The following GPR180 variants were observed in gnomAD, a reference collection of about 807,000 sequenced individuals.
GPR180 encodes integral membrane protein GPR180.
In GPR180, 53 loss-of-function variants were observed where a neutral mutation model predicts 52.6. The ratio of observed to expected loss-of-function variants is 1.01; its 90% CI spans 0.81 to 1.27. The LOEUF is 1.27. Among genes scored for constraint, GPR180 ranks in the 50% most tolerant of loss-of-function variants. GPR180 has a pLI of 0.00. For synonymous variants in GPR180, 200 were observed against 193.1 expected, an observed-to-expected ratio of 1.04 and a Z score of -0.30; for missense variants, 533 against 527.0, an observed-to-expected ratio of 1.01 and a Z score of -0.11.
chr13:94,631,506 T>G lies in GPR180; in HGVS notation c.*4335T>G, dbSNP rs1447621505. 6.6e-6 allele frequency: 1 copy of G among 151,224 alleles called. No homozygotes were observed. Among genetic ancestry groups the G allele is most frequent in the African/African-American group, 2.4e-5 (1 of 41,042 alleles). The allele number at this position is 151,224 out of a possible 1,614,324, so 9.4% of individuals were successfully genotyped here. On this transcript the variant is annotated 3_prime_UTR_variant, in exon 9 of 9. Transcript: ENST00000376958. The stretch of plus-strand genomic sequence containing the variant: ...CTATCATATTATCCCTTTTTTTGTT[T>G]GTTGTACTTAGCTGGTTTATCTTTG...
intron 1 of GPR180, among the ~76,000 whole-genome samples, chr13:94,603,340 C>T (rs1889584860): frequency 6.6e-6 from 1 of 152,148 alleles, no homozygotes. Flanking sequence ...TGGGTTATTA[C>T]TTAGGACCAG....
Position 94,626,999 on chromosome 13 carries a change from CCTTTT to C in GPR180, c.1165-7_1165-3del. The C allele has an allele frequency of 3.8e-6, 6 of 1,561,588 alleles. No individual in the cohort carries two copies. The highest frequency in any genetic ancestry group is 5.2e-6 in the Non-Finnish European group (6 of 1,154,638). ...CTGCATGTAGTAAAAGCATTCCTTT[CCTTTT>C]CTTTTCAGGTTATTACAATAGGTGT... On this transcript the variant is annotated splice_polypyrimidine_tract_variant and intron_variant, in intron 8 of 8. Coordinates refer to ENST00000376958, the MANE Select transcript of GPR180 (RefSeq NM_180989.6).
Position 94,629,792 on chromosome 13 carries a change from G to T in GPR180, c.*2621G>T, listed in dbSNP as rs538869822. 2.0e-4 allele frequency: 31 copies of T among 152,304 alleles called. No homozygotes were observed. The highest frequency in any genetic ancestry group is 4.0e-4 in the Non-Finnish European group (27 of 68,012). 9.4% of individuals were successfully genotyped at this position (152,304 alleles called of 1,614,324 possible). On this transcript the variant is annotated 3_prime_UTR_variant, in exon 9 of 9. Transcript: ENST00000376958. ...AGCAGGAGAGTTAATCTAGGCAGAAGAGCTTGCTTTAGGGTAATTATTTAT... is the reference window on the plus strand; with the variant it reads ...AGCAGGAGAGTTAATCTAGGCAGAATAGCTTGCTTTAGGGTAATTATTTAT...
At chr13:94,623,868 A>G (rs183133058) in intron 7 of GPR180, among the ~76,000 whole-genome samples, 4 of 152,284 alleles carry the variant, frequency 2.6e-5, no homozygotes, top group East Asian at 3.9e-4. Flanking sequence ...AGTTTCATCA[A>G]TAGGGATTTT....
intron 2 of GPR180, among the ~76,000 whole-genome samples, chr13:94,608,386 C>G (rs1199701531): frequency 1.3e-5 from 2 of 152,106 alleles, no homozygotes; most frequent in Non-Finnish European, 2.9e-5. Flanking sequence ...TTTCTAGTTT[C>G]TCTTTCTTTT....
At chr13:94,625,481 A>C (rs1180128294) in intron 7 of GPR180, among the ~76,000 whole-genome samples, 1 of 152,184 alleles carries the variant, frequency 6.6e-6, no homozygotes, top group Non-Finnish European at 1.5e-5. Flanking sequence ...GAATAGAAAA[A>C]TATTTGAAAA....
At chr13:94,621,891 A>T (rs961476459) in intron 6 of GPR180, among the ~76,000 whole-genome samples, 21 of 152,184 alleles carry the variant, frequency 1.4e-4, no homozygotes, top group African/African-American at 4.8e-4. Flanking sequence ...AAGAAAGGTT[A>T]TAAAGAAAAA....
intron 2 of GPR180, among the ~76,000 whole-genome samples, chr13:94,609,517 T>C (rs1323938037): frequency 1.3e-5 from 2 of 152,128 alleles, no homozygotes; most frequent in East Asian, 3.8e-4. Context: ...AATATATTGG[T>C]AAAAGTGTGG....
In GPR180 at chr13:94,627,808, CAA is replaced by C. The variant is rs1411309106; in HGVS notation, c.*639_*640del. The C allele has an allele frequency of 6.6e-6, 1 of 151,980 alleles. No homozygotes were observed. The highest frequency in any genetic ancestry group is 1.5e-5 in the Non-Finnish European group (1 of 67,936). 9.4% of individuals were successfully genotyped at this position (151,980 alleles called of 1,614,324 possible). ...TAGCTTGATTAGCAAAGGTTTTTGA[CAA>C]ACAGTTTATGAAAAAATAAAACTTA... On this transcript the variant is annotated 3_prime_UTR_variant, in exon 9 of 9. Transcript: ENST00000376958.
In GPR180 at chr13:94,621,037, T is replaced by C. The variant is rs376301924; in HGVS notation, c.737-41T>C. On this transcript the variant is annotated intron_variant, in intron 5 of 8. Transcript: ENST00000376958. ...TGCAAAAAGCACTAAATTTTTTATA[T>C]TGTGAAAACTTGGTTGACGTTGGTT... The C allele has an allele frequency of 2.8e-5, 43 of 1,552,686 alleles. No individual in the cohort carries two copies. In the African/African-American group the frequency reaches 5.8e-4, roughly 21 times the overall value.
At chr13:94,624,514 A>G (rs1594479494) in intron 7 of GPR180, among the ~76,000 whole-genome samples, 3 of 152,262 alleles carry the variant, frequency 2.0e-5, no homozygotes, top group Middle Eastern at 3.4e-3. Context: ...TGATAAGTTA[A>G]TATGTATTTG....
intron 5 of GPR180, among the ~76,000 whole-genome samples, 198 bp from the exon 6 acceptor site, chr13:94,620,880 A>G (rs968943169): frequency 3.9e-5 from 6 of 152,072 alleles, no homozygotes; most frequent in Admixed American, 3.3e-4. Context: ...TAATAAATAT[A>G]TTACAAAATT....
chr13:94,613,612 A>C (rs1490765781), intron 3 of GPR180, among the ~76,000 whole-genome samples: 2 of 151,932 alleles, frequency 1.3e-5, no homozygotes, highest in Non-Finnish European at 2.9e-5. Flanking sequence ...GGTTAATTTG[A>C]AGTTCTTTCT....
intron 1 of GPR180, among the ~76,000 whole-genome samples, chr13:94,604,505 G>A (rs918360919): frequency 4.6e-5 from 7 of 152,066 alleles, no homozygotes; most frequent in Non-Finnish European, 8.8e-5. Context: ...CAGGAGAATC[G>A]CTTGAACCTG....
intron 2 of GPR180, among the ~76,000 whole-genome samples, chr13:94,608,310 C>G (rs546474264): frequency 7.9e-5 from 12 of 152,300 alleles, no homozygotes; most frequent in African/African-American, 2.9e-4. Context: ...CTCGTTATAA[C>G]TCTTAAGGAT....
chr13:94,626,909 G>C (rs991539505), intron 8 of GPR180, 104 bp from the exon 9 acceptor site: 1 of 805,788 alleles, frequency 1.2e-6, no homozygotes, highest in African/African-American at 1.8e-5. Flanking sequence ...ATGAAAGATA[G>C]AGTATTGTAT....
chr13:94,618,660 T>G (rs1265367371), intron 3 of GPR180, among the ~76,000 whole-genome samples: 1 of 151,986 alleles, frequency 6.6e-6, no homozygotes, highest in Non-Finnish European at 1.5e-5. Context: ...TGGATGGCAC[T>G]CAAGAATTTG....
Position 94,612,400 on chromosome 13 carries a change from T to G in GPR180, c.505+10T>G, listed in dbSNP as rs1401090964. 2.6e-6 allele frequency: 4 copies of G among 1,548,732 alleles called. No homozygotes were observed. The Admixed American group carries it at 6.7e-5, about 26-fold the overall frequency. On this transcript the variant is annotated intron_variant, in intron 3 of 8. Transcript: ENST00000376958. Reference sequence around the variant, plus strand: ...AGTGCTGGAGAATCTGGTAAGAATATGTATTTGAATATATCCTAAATTCAG... The same window carrying G: ...AGTGCTGGAGAATCTGGTAAGAATAGGTATTTGAATATATCCTAAATTCAG...
rs1224262332 is a variant in GPR180, at chr13:94,634,225, A to G, written c.*7054A>G. On this transcript the variant is annotated 3_prime_UTR_variant, in exon 9 of 9. Transcript: ENST00000376958. Reference sequence around the variant, plus strand: ...ATGAATTAAATTTCCATAGCAATTTAGGGAAATTTGACTTTCTTAACGTGT... The same window carrying G: ...ATGAATTAAATTTCCATAGCAATTTGGGGAAATTTGACTTTCTTAACGTGT... 6.6e-6 allele frequency: 1 copy of G among 152,160 alleles called. No individual in the cohort carries two copies. Among genetic ancestry groups the G allele is most frequent in the Non-Finnish European group, 1.5e-5 (1 of 68,022 alleles). The allele number at this position is 152,160 out of a possible 1,614,324, so 9.4% of individuals were successfully genotyped here. A position where few individuals can be genotyped will look rare whatever the true frequency, so the allele number is the denominator to read the frequency against.
Sources: gnomAD v4.1 joint callset for allele counts (sites outside exome capture counted in the v4.1 genomes callset) on GRCh38, gnomAD v4.1.1 for gene constraint, MANE v1.5 for transcripts, NCBI Gene and HGNC (gene_info 2026-07-23, HGNC 2026-07-21) for gene names.